DLG2: variants seen among roughly 807,000 people sequenced by gnomAD.
The protein encoded by DLG2 is disks large homolog 2.
A neutral mutation model predicts 132.5 loss-of-function variants in DLG2; 45 were observed. That is an observed-to-expected ratio of 0.34 (90% CI 0.27 to 0.44). The LOEUF is 0.44. Among genes scored for constraint, DLG2 ranks in the 20% least tolerant of loss-of-function variants. DLG2 has a pLI of 1.00. For missense variants in DLG2, 1,045 were observed against 1,196.9 expected, an observed-to-expected ratio of 0.87 and a Z score of 1.87; for synonymous variants, 424 against 419.6, an observed-to-expected ratio of 1.01 and a Z score of -0.13.
chr11:85,419,151 G>A (rs2090098468), intron 3 of DLG2, among the ~76,000 whole-genome samples: 1 of 152,154 alleles, frequency 6.6e-6, no homozygotes, highest in African/African-American at 2.4e-5. Flanking sequence ...TTGCATGTGT[G>A]TAAGAAATTC....
rs570927163 is a variant in DLG2 at position 84,734,164 on chromosome 11, A to G, written c.358-199433T>C. Among the ~76,000 whole-genome samples the G allele has an allele frequency of 7.2e-3, 1,092 of 152,196 alleles. 14 individuals are homozygous for G. The highest frequency in any genetic ancestry group is 0.024 in the African/African-American group (994 of 41,528). The stretch of plus-strand genomic sequence containing the variant: ...ATGAACTTTAAAGAAGTTTTTTCCA[A>G]TTCTGTGAAGAAAGTCATTGGTAGC... On this transcript the variant is annotated intron_variant, in intron 6 of 27. Coordinates refer to ENST00000376104, the MANE Select transcript of DLG2 (RefSeq NM_001142699.3).
chr11:84,374,740 A>G (rs1266821645), intron 7 of DLG2, among the ~76,000 whole-genome samples: 1 of 152,044 alleles, frequency 6.6e-6, no homozygotes, highest in African/African-American at 2.4e-5. Flanking sequence ...TCCCCCTCAA[A>G]CTAAGTAACT....
chr11:84,820,423 A>T (rs1172687377), intron 6 of DLG2, among the ~76,000 whole-genome samples: 1 of 151,904 alleles, frequency 6.6e-6, no homozygotes, highest in Non-Finnish European at 1.5e-5. Context: ...AAAAGTGTAC[A>T]GGTAATCACG....
At chr11:83,795,917 A>G (rs751866850) in intron 17 of DLG2, among the ~76,000 whole-genome samples, 1 of 152,154 alleles carries the variant, frequency 6.6e-6, no homozygotes, top group Non-Finnish European at 1.5e-5. Flanking sequence ...TGATTCAGCC[A>G]TTTCTGCATT....
intron 3 of DLG2, among the ~76,000 whole-genome samples, chr11:85,331,532 A>G (rs1449942280): frequency 6.6e-6 from 1 of 152,094 alleles, no homozygotes; most frequent in Non-Finnish European, 1.5e-5. Context: ...ATTGCATGCC[A>G]CTGGGATTTA....
At chr11:85,419,851 T>G (rs2090153797) in intron 3 of DLG2, among the ~76,000 whole-genome samples, 1 of 152,226 alleles carries the variant, frequency 6.6e-6, no homozygotes, top group African/African-American at 2.4e-5. Flanking sequence ...TTCAAAGTTC[T>G]TAGCTTCCTT....
intron 3 of DLG2, among the ~76,000 whole-genome samples, chr11:85,577,702 A>AT (rs961248660): frequency 6.6e-6 from 1 of 152,038 alleles, no homozygotes; most frequent in African/African-American, 2.4e-5. Context: ...ACAGAGTATA[A>AT]TTTTTTTAAA....
chr11:83,965,491 T>C (rs757153727), intron 12 of DLG2, 23 bp from the exon 13 acceptor site: 3 of 1,576,702 alleles, frequency 1.9e-6, no homozygotes, highest in South Asian at 1.2e-5. Context: ...AAAAGATCAA[T>C]ATTAGAGTTA....
intron 6 of DLG2, among the ~76,000 whole-genome samples, chr11:84,649,462 G>C (rs560086087): frequency 2.0e-5 from 3 of 152,258 alleles, no homozygotes; most frequent in Non-Finnish European, 2.9e-5. Flanking sequence ...TAATGAATAG[G>C]ATGGAGAGAA....
At chr11:84,899,572 A>G (rs954701234) in intron 6 of DLG2, among the ~76,000 whole-genome samples, 5 of 152,050 alleles carry the variant, frequency 3.3e-5, no homozygotes, top group Non-Finnish European at 7.4e-5. Flanking sequence ...GCTTCTGCTT[A>G]AGGACAGTTT....
At chr11:83,601,768 C>T (rs544812629) in intron 19 of DLG2, among the ~76,000 whole-genome samples, 2 of 151,992 alleles carry the variant, frequency 1.3e-5, no homozygotes, top group East Asian at 1.9e-4. Context: ...AGTGATCTGC[C>T]GGCCTCGGCC....
intron 6 of DLG2, among the ~76,000 whole-genome samples, chr11:84,863,350 A>C (rs781724201): frequency 2.0e-5 from 3 of 152,120 alleles, no homozygotes; most frequent in Non-Finnish European, 4.4e-5. Context: ...TTCCTGGATA[A>C]ACCTCTGTAT....
intron 5 of DLG2, among the ~76,000 whole-genome samples, chr11:85,150,395 G>A (rs1374843851): frequency 6.6e-6 from 1 of 152,052 alleles, no homozygotes; most frequent in East Asian, 1.9e-4. Context: ...ACTCTTAAGT[G>A]TAGAGTTCAA....
At chr11:85,362,373 C>T (rs2084225577) in intron 3 of DLG2, among the ~76,000 whole-genome samples, 1 of 152,086 alleles carries the variant, frequency 6.6e-6, no homozygotes, top group Non-Finnish European at 1.5e-5. Context: ...TTTTGGGTAG[C>T]TATTGTTAAT....
At chr11:84,254,511 G>C (rs943594188) in intron 7 of DLG2, among the ~76,000 whole-genome samples, 1 of 152,134 alleles carries the variant, frequency 6.6e-6, no homozygotes, top group Non-Finnish European at 1.5e-5. Flanking sequence ...ATAAAGTATA[G>C]AAGTAGGTAT....
chr11:84,157,136 A>G (rs2095443991), intron 9 of DLG2, among the ~76,000 whole-genome samples: 1 of 152,154 alleles, frequency 6.6e-6, no homozygotes, highest in African/African-American at 2.4e-5. Flanking sequence ...TATATAGTCA[A>G]CTGTATTAAA....
Position 84,806,147 on chromosome 11 carries a change from G to T in DLG2, c.358-271416C>A, listed in dbSNP as rs907982419. Among the ~76,000 whole-genome samples the T allele has an allele frequency of 1.3e-5, 2 of 151,880 alleles. 1 individual carries two copies. Among genetic ancestry groups the T allele is most frequent in the Non-Finnish European group, 2.9e-5 (2 of 67,984 alleles). On this transcript the variant is annotated intron_variant, in intron 6 of 27. Transcript: ENST00000376104. ...GCAATATGAATTAAAACAATATATT[G>T]ACCTAAAAAATCACAAGAGCCTCAG...
rs141438201 is a variant in DLG2, at chr11:85,297,123, C to T, written c.41-11758G>A. On this transcript the variant is annotated intron_variant, in intron 3 of 27. Coordinates refer to ENST00000376104, the MANE Select transcript of DLG2 (RefSeq NM_001142699.3). ...AAACCAAGAGCCATTAAATATGTCA[C>T]CTTTCTTTTTCCCCAACTTCCCCAA... Among the ~76,000 whole-genome samples, 8 of 152,016 alleles carry T rather than the reference C, an allele frequency of 5.3e-5. No homozygotes were observed. In the East Asian group the frequency reaches 1.4e-3, roughly 26 times the overall value.
At chr11:84,890,537 C>G (rs553757391) in intron 6 of DLG2, among the ~76,000 whole-genome samples, 43 of 152,282 alleles carry the variant, frequency 2.8e-4, no homozygotes, top group African/African-American at 7.7e-4. Context: ...TCATCTCCCC[C>G]TCCCCAACCC....
Sources: gnomAD v4.1 joint callset for allele counts (sites outside exome capture counted in the v4.1 genomes callset) on GRCh38, gnomAD v4.1.1 for gene constraint, MANE v1.5 for transcripts, NCBI Gene and HGNC (gene_info 2026-07-23, HGNC 2026-07-21) for gene names.